Variants in SIL1 observed in about 807,000 individuals in gnomAD.
The protein encoded by SIL1 is SIL1 nucleotide exchange factor, also known as nucleotide exchange factor SIL1.
Under a neutral mutation model 49.1 loss-of-function variants are expected in SIL1, and 40 were observed. That is an observed-to-expected ratio of 0.81 (90% CI 0.63 to 1.06). The LOEUF (loss-of-function observed/expected upper bound fraction) is 1.06, where lower values mean the gene tolerates loss of function less well. Ranked by LOEUF, SIL1 falls within the 50% of genes least tolerant of loss-of-function variation. SIL1 has a pLI of 0.00. For missense variants in SIL1, 500 were observed against 572.6 expected (o/e 0.87, Z 1.29); for synonymous variants, 253 against 250.8 (o/e 1.01, Z -0.08).
chr5:139,186,590 C>T (rs961241268), intron 1 of SIL1, among the ~76,000 whole-genome samples: 7 of 152,166 alleles, frequency 4.6e-5, no homozygotes, highest in Non-Finnish European at 7.3e-5. Context: ...ATAAGCACTC[C>T]GGTTTGACAC....
chr5:139,069,723 T>C (rs1375097347), intron 3 of SIL1, among the ~76,000 whole-genome samples: 1 of 152,158 alleles, frequency 6.6e-6, no homozygotes, highest in Non-Finnish European at 1.5e-5. Flanking sequence ...AGTAAAATAA[T>C]TGGATTTTAA....
At chr5:138,969,139 A>T (rs1231651603) in intron 7 of SIL1, among the ~76,000 whole-genome samples, 1 of 152,232 alleles carries the variant, frequency 6.6e-6, no homozygotes, top group Non-Finnish European at 1.5e-5. Context: ...AATTTTAGGC[A>T]GTAGCAGAAA....
chr5:139,179,116 C>T (rs1398746213), intron 1 of SIL1, among the ~76,000 whole-genome samples: 1 of 152,198 alleles, frequency 6.6e-6, no homozygotes, highest in Non-Finnish European at 1.5e-5. Context: ...AAGATATCAC[C>T]TTGTCTGAGT....
chr5:139,194,473 T>C (rs1245628092), intron 1 of SIL1, among the ~76,000 whole-genome samples: 1 of 152,236 alleles, frequency 6.6e-6, no homozygotes, highest in Non-Finnish European at 1.5e-5. Flanking sequence ...ATTCCGTCTT[T>C]AGTCTACGTA....
chr5:139,095,267 T>C (rs1770431630), intron 3 of SIL1, among the ~76,000 whole-genome samples: 1 of 113,458 alleles, frequency 8.8e-6, no homozygotes. Flanking sequence ...TTGGAATTCT[T>C]TTTTTTTTTT....
At chr5:139,063,275 G>A (rs1324345471) in intron 3 of SIL1, among the ~76,000 whole-genome samples, 1 of 152,182 alleles carries the variant, frequency 6.6e-6, no homozygotes, top group Non-Finnish European at 1.5e-5. Context: ...TTAAGCATGT[G>A]CAGTTACTCA....
intron 7 of SIL1, among the ~76,000 whole-genome samples, chr5:138,971,061 A>T (rs969363198): frequency 7.2e-5 from 11 of 152,218 alleles, no homozygotes; most frequent in African/African-American, 2.7e-4. Context: ...GGAAGGGAAC[A>T]GGTGGGGCAT....
chr5:139,136,581 G>A (rs1750977701), intron 1 of SIL1, among the ~76,000 whole-genome samples: 2 of 152,148 alleles, frequency 1.3e-5, no homozygotes, highest in African/African-American at 2.4e-5. Context: ...CAAAAGAGTG[G>A]AGAATCCTGA....
intron 3 of SIL1, among the ~76,000 whole-genome samples, chr5:139,116,948 T>C (rs1771003713): frequency 6.6e-6 from 1 of 152,246 alleles, no homozygotes; most frequent in South Asian, 2.1e-4. Flanking sequence ...ACTAAGGTTC[T>C]GAGATTCTAA....
intron 3 of SIL1, among the ~76,000 whole-genome samples, chr5:139,113,315 A>ATTAATTAATCAAT (rs1303955478): frequency 7.8e-6 from 1 of 128,066 alleles, no homozygotes; most frequent in Non-Finnish European, 1.7e-5. Context: ...TAAAAAATAA[A>ATTAATTAATCAAT]TAAATAAATA....
intron 3 of SIL1, among the ~76,000 whole-genome samples, chr5:139,092,706 G>A (rs1448713363): frequency 6.6e-6 from 1 of 152,168 alleles, no homozygotes; most frequent in Non-Finnish European, 1.5e-5. Context: ...AGAGTGCCAG[G>A]CACAAGGGAA....
intron 1 of SIL1, among the ~76,000 whole-genome samples, chr5:139,152,846 C>T (rs960143904): frequency 4.6e-5 from 7 of 152,132 alleles, no homozygotes; most frequent in Admixed American, 1.3e-4. Context: ...TGGAGTTTTG[C>T]TCTTGTTGCC....
At chr5:139,152,498 G>A (rs1358121428) in intron 1 of SIL1, among the ~76,000 whole-genome samples, 1 of 151,834 alleles carries the variant, frequency 6.6e-6, no homozygotes. Flanking sequence ...GAGGGTGCCT[G>A]TAATCCCAGC....
At chr5:138,966,467 C>T (rs1048769532) in intron 7 of SIL1, among the ~76,000 whole-genome samples, 1 of 151,960 alleles carries the variant, frequency 6.6e-6, no homozygotes, top group African/African-American at 2.4e-5. Flanking sequence ...CAGACACCAC[C>T]CACCAGGCTT....
intron 7 of SIL1, among the ~76,000 whole-genome samples, chr5:139,009,975 C>T (rs1024618264): frequency 3.6e-4 from 55 of 152,130 alleles, no homozygotes; most frequent in Middle Eastern, 3.4e-3. Context: ...ATCTTTGTGG[C>T]GTTCTCTGTA....
At chr5:139,051,954 G>A (rs1200325465) in intron 3 of SIL1, among the ~76,000 whole-genome samples, 1 of 152,192 alleles carries the variant, frequency 6.6e-6, no homozygotes, top group African/African-American at 2.4e-5. Flanking sequence ...TTCAGGAGAT[G>A]GGAGATTTGA....
intron 7 of SIL1, among the ~76,000 whole-genome samples, chr5:139,000,630 T>C (rs971155489): frequency 3.3e-5 from 5 of 152,158 alleles, no homozygotes; most frequent in African/African-American, 1.2e-4. Context: ...CAAAACTTTA[T>C]ACTCTCAGAA....
At chr5:138,983,198 CAAAAAAAAAAA>C (rs33926268) in intron 7 of SIL1, among the ~76,000 whole-genome samples, 3 of 28,100 alleles carry the variant, frequency 1.1e-4, no homozygotes, top group Admixed American at 6.8e-4. Flanking sequence ...GACACTGTCT[CAAAAAAAAAAA>C]AAAAAAAAAA....
chr5:139,122,987 A>G (rs1241093460), intron 2 of SIL1, among the ~76,000 whole-genome samples: 1 of 152,052 alleles, frequency 6.6e-6, no homozygotes, highest in African/African-American at 2.4e-5. Context: ...CATTTTCAAC[A>G]TGAAAATAAT....
Sources: allele counts gnomAD v4.1 joint callset (sites outside exome capture counted in the v4.1 genomes callset), GRCh38; gene constraint gnomAD v4.1.1; transcripts MANE v1.5; gene names NCBI Gene and HGNC (gene_info 2026-07-23, HGNC 2026-07-21).